Variants in PTGS1 observed in about 807,000 individuals in gnomAD.
PTGS1 encodes prostaglandin G/H synthase 1.
In PTGS1, 40 loss-of-function variants were observed where a neutral mutation model predicts 63.0. The observed-to-expected ratio is 0.63, with a 90% CI of 0.49 to 0.83. The LOEUF (loss-of-function observed/expected upper bound fraction) is 0.83. PTGS1 is among the 40% of genes least tolerant of loss of function. The pLI, the probability that PTGS1 is intolerant of heterozygous loss-of-function variation, is 0.00. For missense variants in PTGS1, 709 were observed against 786.5 expected (o/e 0.90, Z 1.18); for synonymous variants, 298 against 301.9 (o/e 0.99, Z 0.13).
intron 2 of PTGS1, among the ~76,000 whole-genome samples, chr9:122,376,640 TA>T (rs1213868779): frequency 2.0e-5 from 3 of 152,324 alleles, no homozygotes; most frequent in Non-Finnish European, 2.9e-5. Flanking sequence ...ATATTCCCTG[TA>T]ACGTTGGCTC....
intron 8 of PTGS1, among the ~76,000 whole-genome samples, chr9:122,386,074 T>A (rs1486228799): frequency 1.3e-5 from 2 of 151,010 alleles, no homozygotes; most frequent in Non-Finnish European, 2.9e-5. Flanking sequence ...GTGAGAGAAG[T>A]GCTTGAGACT....
At position 122,392,350 on chromosome 9, in the gene PTGS1, A is replaced by T; in HGVS notation, c.1606A>T (p.Asn536Tyr). ...APFSLKGLLG[N>Y]PICSPEYWKP... ...CTTTTCCCTCAAGGGTCTCCTAGGG[A>T]ATCCCATCTGTTCTCCGGAGTACTG... Residue 536 changes from asparagine to tyrosine, a missense_variant, in exon 11 of 11, where the codon AAT becomes TAT. Physicochemically the swap from Asn to Tyr is moderately radical, Grantham distance 143. Transcript: ENST00000362012. 1 of 1,614,164 alleles carries T rather than the reference A, an allele frequency of 6.2e-7. No individual in the cohort carries two copies. The highest frequency in any genetic ancestry group is 1.1e-5 in the South Asian group (1 of 91,082).
rs1296358400 is a variant in PTGS1 at position 122,381,436 on chromosome 9, C to G, written c.562C>G (p.Pro188Ala). The G allele has an allele frequency of 1.2e-6, 2 of 1,614,210 alleles. No individual in the cohort carries two copies. The highest frequency in any genetic ancestry group is 1.1e-5 in the South Asian group (1 of 91,088). The change falls in exon 6 of 11, where the codon CCT (proline) becomes GCT (alanine). Residue 188 changes from proline (P) to alanine (A), a missense_variant. Coordinates refer to ENST00000362012, the MANE Select transcript of PTGS1 (RefSeq NM_000962.4). ...CTTCCTGCTCAGGAGGAAGTTCATA[C>G]CTGACCCCCAAGGCACCAACCTCAT... ...RRFLLRRKFI[P>A]DPQGTNLMFA...
rs1232944409 is a variant in PTGS1, at chr9:122,381,647, C to A, written c.679-17C>A. ...CCGGCACCCTGGTGACCTGAGGGAA[C>A]CCCTCTCTGTCCACAGGTAGACCTC... On this transcript the variant is annotated splice_polypyrimidine_tract_variant and intron_variant, in intron 6 of 10. Coordinates refer to ENST00000362012, the MANE Select transcript of PTGS1 (RefSeq NM_000962.4). 1.2e-5 allele frequency: 19 copies of A among 1,613,574 alleles called. No homozygotes were observed. The highest frequency in any genetic ancestry group is 1.6e-5 in the Non-Finnish European group (19 of 1,179,582).
At chr9:122,391,720 C>CA (rs1838298550) in intron 10 of PTGS1, among the ~76,000 whole-genome samples, 1 of 151,816 alleles carries the variant, frequency 6.6e-6, no homozygotes, top group African/African-American at 2.4e-5. Context: ...AAATGGTCCC[C>CA]GGGGGCAGAA....
chr9:122,382,599 G>C (rs1837592978), intron 7 of PTGS1, among the ~76,000 whole-genome samples: 1 of 152,212 alleles, frequency 6.6e-6, no homozygotes, highest in South Asian at 2.1e-4. Flanking sequence ...GTAACATTCA[G>C]TTCTTCATTC....
intron 2 of PTGS1, 59 bp from the exon 3 acceptor site, chr9:122,377,840 T>C (rs1172520093): frequency 7.1e-7 from 1 of 1,415,644 alleles, no homozygotes; most frequent in Non-Finnish European, 1.0e-6. Context: ...CATCAGGGGC[T>C]AGATGGGGGT....
chr9:122,371,957 G>GGCTTCT lies in PTGS1; in HGVS notation c.94+685_94+686insGCTTCT, dbSNP rs1445035352. On this transcript the variant is annotated intron_variant, in intron 2 of 10. Coordinates refer to ENST00000362012, the MANE Select transcript of PTGS1 (RefSeq NM_000962.4). ...CAGAAAGCTGCTTCTACCCACAATGGACCCGGAGCCACTCTGGGTTTCATG... is the reference window on the plus strand; with the variant it reads ...CAGAAAGCTGCTTCTACCCACAATGGGCTTCTACCCGGAGCCACTCTGGGTTTCATG... 1.8e-5 allele frequency: 13 copies of GGCTTCT among 723,744 alleles called. No homozygotes were observed. The African/African-American group carries it at 2.1e-4, about 12-fold the overall frequency. 44.8% of individuals were successfully genotyped at this position (723,744 alleles called of 1,614,324 possible).
At chr9:122,386,875 T>A in intron 9 of PTGS1, 143 bp downstream of exon 9, 1 of 985,796 alleles carries the variant, frequency 1.0e-6, no homozygotes, top group Non-Finnish European at 1.5e-6. Context: ...GTGAGTTCAT[T>A]GGTTCATTTG....
At chr9:122,385,343 C>T (rs1484113285) in intron 8 of PTGS1, among the ~76,000 whole-genome samples, 1 of 152,040 alleles carries the variant, frequency 6.6e-6, no homozygotes, top group Non-Finnish European at 1.5e-5. Flanking sequence ...GCTCAGGTGG[C>T]TGGAAATGGT....
chr9:122,371,328 T>G, intron 2 of PTGS1, 56 bp downstream of exon 2: 1 of 1,597,450 alleles, frequency 6.3e-7, no homozygotes, highest in Non-Finnish European at 8.5e-7. Context: ...CCTGGCCTGG[T>G]TTCAACCCCC....
At chr9:122,384,289 T>C (rs1446787594) in intron 8 of PTGS1, among the ~76,000 whole-genome samples, 2 of 152,154 alleles carry the variant, frequency 1.3e-5, no homozygotes, top group African/African-American at 2.4e-5. Context: ...AAATGTCAGA[T>C]GGTTTCCTGC....
chr9:122,389,069 T>C (rs1838044671), intron 9 of PTGS1, among the ~76,000 whole-genome samples: 1 of 152,006 alleles, frequency 6.6e-6, no homozygotes. Flanking sequence ...TGCCCAATTA[T>C]AGTTGTTGAT....
chr9:122,387,809 C>T (rs1249920501), intron 9 of PTGS1, among the ~76,000 whole-genome samples: 4 of 152,254 alleles, frequency 2.6e-5, no homozygotes, highest in Non-Finnish European at 5.9e-5. Flanking sequence ...CCTCAATCTC[C>T]CCTTCTCCAC....
chr9:122,371,146 T>C lies in PTGS1; in HGVS notation c.8-40T>C, dbSNP rs1373848600. On this transcript the variant is annotated intron_variant, in intron 1 of 10. Coordinates refer to ENST00000362012, the MANE Select transcript of PTGS1 (RefSeq NM_000962.4). ...ATTTTCTTGGCCTCCTGGTGGAGCC[T>C]TGAATGCCAGGCTCAGCCCCTCATC... 1.9e-6 allele frequency: 3 copies of C among 1,607,636 alleles called. No homozygotes were observed. The Admixed American group carries it at 5.0e-5, about 27-fold the overall frequency.
At chr9:122,389,064 A>G (rs1838044369) in intron 9 of PTGS1, among the ~76,000 whole-genome samples, 1 of 151,502 alleles carries the variant, frequency 6.6e-6, no homozygotes, top group South Asian at 2.1e-4. Context: ...TTTTTTGCCC[A>G]ATTATAGTTG....
At chr9:122,383,356 G>C (rs1273261146) in intron 7 of PTGS1, among the ~76,000 whole-genome samples, 153 bp from the exon 8 acceptor site, 1 of 151,960 alleles carries the variant, frequency 6.6e-6, no homozygotes, top group Non-Finnish European at 1.5e-5. Flanking sequence ...GAGATGGAGA[G>C]CAGGGGACTG....
chr9:122,388,985 TTGTAA>T lies in PTGS1; in HGVS notation c.1297-1212_1297-1208del, dbSNP rs1158664462. Among the ~76,000 whole-genome samples, 6 of 152,228 alleles carry T rather than the reference TTGTAA, an allele frequency of 3.9e-5. No individual in the cohort carries two copies. In the East Asian group the frequency reaches 1.2e-3, roughly 29 times the overall value. ...ATTCAACCCTCAACAGCCCCACAGC[TTGTAA>T]AGCTGTAATTGGCACCATCCTCTGC... On this transcript the variant is annotated intron_variant, in intron 9 of 10. Coordinates refer to ENST00000362012, the MANE Select transcript of PTGS1 (RefSeq NM_000962.4).
intron 8 of PTGS1, 82 bp downstream of exon 8, chr9:122,383,837 G>T: frequency 1.3e-6 from 2 of 1,542,544 alleles, no homozygotes. Flanking sequence ...ACTTAGAGGT[G>T]GAGGCTGGGA....
Sources: gnomAD v4.1 joint callset for allele counts (sites outside exome capture counted in the v4.1 genomes callset) on GRCh38, gnomAD v4.1.1 for gene constraint, MANE v1.5 for transcripts, NCBI Gene and HGNC (gene_info 2026-07-23, HGNC 2026-07-21) for gene names.